Variants in ENOX1 observed in about 807,000 individuals in gnomAD.
ENOX1 encodes candidate growth-related and time keeping constitutive hydroquinone (NADH) oxidase.
ENOX1 carries 42 observed loss-of-function variants against 82.5 expected under a neutral mutation model. The observed-to-expected ratio is 0.51, with a 90% CI of 0.40 to 0.66. The LOEUF (loss-of-function observed/expected upper bound fraction) is 0.66. Among genes scored for constraint, ENOX1 ranks in the 30% least tolerant of loss-of-function variants. The probability of loss-of-function intolerance (pLI) is 0.00; values close to 1 mark genes in which losing one functional copy is unlikely to be tolerated. For synonymous variants in ENOX1, 271 were observed against 282.2 expected, an observed-to-expected ratio of 0.96 and a Z score of 0.40; for missense variants, 608 against 811.6, an observed-to-expected ratio of 0.75 and a Z score of 3.05.
chr13:43,636,366 T>A (rs1194602579), intron 2 of ENOX1, among the ~76,000 whole-genome samples: 2 of 152,202 alleles, frequency 1.3e-5, no homozygotes. Context: ...CATGGGAAGA[T>A]AACTCTGGAA....
chr13:43,487,528 G>A (rs1435279022), intron 2 of ENOX1, among the ~76,000 whole-genome samples: 12 of 152,252 alleles, frequency 7.9e-5, no homozygotes, highest in South Asian at 2.1e-4. Context: ...GAAAATCAAC[G>A]TACTGCTACC....
At chr13:43,710,992 T>C (rs1004029149) in intron 1 of ENOX1, among the ~76,000 whole-genome samples, 1 of 152,074 alleles carries the variant, frequency 6.6e-6, no homozygotes, top group African/African-American at 2.4e-5. Flanking sequence ...TGTATACATG[T>C]GCCATGTTGG....
chr13:43,616,128 ATCTATCTATCTAGATATC>A (rs2082422115), intron 2 of ENOX1, among the ~76,000 whole-genome samples: 1 of 55,502 alleles, frequency 1.8e-5, no homozygotes, highest in Non-Finnish European at 3.8e-5. Flanking sequence ...ATCTATAGAT[ATCTATCTATCTAGATATC>A]TATATAGATA....
At chr13:43,732,897 T>C (rs930226658) in intron 1 of ENOX1, among the ~76,000 whole-genome samples, 1 of 152,224 alleles carries the variant, frequency 6.6e-6, no homozygotes. Flanking sequence ...AATATGGCAA[T>C]GTCAGTGCCC....
chr13:43,310,421 C>G (rs557005582), intron 11 of ENOX1, among the ~76,000 whole-genome samples: 2 of 151,970 alleles, frequency 1.3e-5, no homozygotes, highest in Non-Finnish European at 2.9e-5. Flanking sequence ...AAAATGACTT[C>G]CTTCCAATTA....
At chr13:43,489,385 C>T (rs1215632597) in intron 2 of ENOX1, among the ~76,000 whole-genome samples, 2 of 152,150 alleles carry the variant, frequency 1.3e-5, no homozygotes, top group Non-Finnish European at 2.9e-5. Flanking sequence ...TCCATATGGT[C>T]GTAATTCTGA....
rs201589074 is a variant in ENOX1 at position 43,410,589 on chromosome 13, T to C, written c.208+1327A>G. ...ATTAAAAAAGAAACCATATATATTA[T>C]ATATATGTGTATACACATATACACA... On this transcript the variant is annotated intron_variant, in intron 5 of 16. Coordinates refer to ENST00000690772, the MANE Select transcript of ENOX1 (RefSeq NM_001347969.2). 2.7e-5 allele frequency among the ~76,000 whole-genome samples: 4 copies of C among 148,978 alleles called. No individual in the cohort carries two copies. In the East Asian group the frequency reaches 7.8e-4, roughly 29 times the overall value.
intron 2 of ENOX1, among the ~76,000 whole-genome samples, chr13:43,532,107 G>A (rs551967623): frequency 3.4e-4 from 52 of 151,834 alleles, no homozygotes; most frequent in Admixed American, 2.2e-3. Flanking sequence ...AGTTAAAAAA[G>A]TTTTAATTTT....
At chr13:43,280,100 G>A (rs947586165) in intron 12 of ENOX1, among the ~76,000 whole-genome samples, 1 of 152,180 alleles carries the variant, frequency 6.6e-6, no homozygotes, top group Non-Finnish European at 1.5e-5. Flanking sequence ...CTCTGGGCAC[G>A]TGTACAGTTG....
rs373671611 is a variant in ENOX1, at chr13:43,470,275, T to C, written c.-75+13734A>G. Among the ~76,000 whole-genome samples the C allele has an allele frequency of 5.9e-5, 3 of 50,422 alleles. No individual in the cohort carries two copies. The East Asian group carries it at 7.4e-4, about 12-fold the overall frequency. 33.1% of individuals were successfully genotyped at this position (50,422 alleles called of 152,430 possible). ...ATATATATATACATATATATACACA[T>C]ATATATACATATATATATACACATA... is the stretch of plus-strand genomic sequence containing the variant. On this transcript the variant is annotated intron_variant, in intron 3 of 16. Transcript: ENST00000690772.
At chr13:43,261,673 G>T (rs9533437) in intron 14 of ENOX1, among the ~76,000 whole-genome samples, 23,031 of 150,684 alleles carry the variant, frequency 0.15, 2,058 homozygotes, top group Non-Finnish European at 0.21. Context: ...AAAATGATGA[G>T]TTCATGTCCT....
intron 2 of ENOX1, among the ~76,000 whole-genome samples, chr13:43,647,505 T>A (rs1566701569): frequency 6.6e-6 from 1 of 152,144 alleles, no homozygotes; most frequent in African/African-American, 2.4e-5. Flanking sequence ...CACTCTGCCA[T>A]CAGGAACCAA....
chr13:43,705,940 A>T (rs951329871), intron 1 of ENOX1, among the ~76,000 whole-genome samples: 2 of 152,098 alleles, frequency 1.3e-5, no homozygotes, highest in African/African-American at 4.8e-5. Context: ...ATCTTAATAA[A>T]TTTTTAAAAA....
chr13:43,734,327 G>A (rs1299327672), intron 1 of ENOX1, among the ~76,000 whole-genome samples: 1 of 152,090 alleles, frequency 6.6e-6, no homozygotes, highest in Non-Finnish European at 1.5e-5. Context: ...CCTGCAAGCA[G>A]GGCTGCAGGT....
intron 3 of ENOX1, among the ~76,000 whole-genome samples, chr13:43,478,941 T>TTTTGGGGGAGAAA (rs1454110182): frequency 1.6e-5 from 1 of 62,662 alleles, no homozygotes; most frequent in Non-Finnish European, 4.3e-5. Flanking sequence ...GTCAGAGCCA[T>TTTTGGGGGAGAAA]TTCGGGGGAG....
rs2078705407 is a variant in ENOX1, at chr13:43,541,185, T to TTTTTTTTTTTTTTG, written c.-218-57047_-218-57034dup. On this transcript the variant is annotated intron_variant, in intron 2 of 16. Transcript: ENST00000690772. ...ACTTCTTCCCTCTGTTTTTTTTTTTTTTTTTTTTTTTTTGCTAAAAATGAT... is the reference window on the plus strand; with the variant it reads ...ACTTCTTCCCTCTGTTTTTTTTTTTTTTTTTTTTTTTTTGTTTTTTTTTTTTTGCTAAAAATGAT... Among the ~76,000 whole-genome samples, 4 of 138,824 alleles carry TTTTTTTTTTTTTTG rather than the reference T, an allele frequency of 2.9e-5. 2 individuals carry two copies. Among genetic ancestry groups the TTTTTTTTTTTTTTG allele is most frequent in the Admixed American group, 1.4e-4 (2 of 13,974 alleles). 91.1% of individuals were successfully genotyped at this position (138,824 alleles called of 152,430 possible). A position where few individuals can be genotyped will look rare whatever the true frequency, so the allele number is the denominator to read the frequency against.
At chr13:43,447,072 T>C (rs2056689083) in intron 3 of ENOX1, among the ~76,000 whole-genome samples, 2 of 152,256 alleles carry the variant, frequency 1.3e-5, no homozygotes, top group Non-Finnish European at 2.9e-5. Flanking sequence ...AGAATATTTC[T>C]TGAACACCTA....
chr13:43,464,733 G>A (rs1245896231), intron 3 of ENOX1, among the ~76,000 whole-genome samples: 2 of 152,128 alleles, frequency 1.3e-5, no homozygotes, highest in Non-Finnish European at 2.9e-5. Flanking sequence ...GCCAACATTG[G>A]TGCATCACTA....
chr13:43,651,261 G>A (rs2084156091), intron 2 of ENOX1, among the ~76,000 whole-genome samples: 1 of 152,124 alleles, frequency 6.6e-6, no homozygotes, highest in South Asian at 2.1e-4. Context: ...AAAGGAAGAG[G>A]GGGAGGGAAG....
Sources: allele counts gnomAD v4.1 joint callset (sites outside exome capture counted in the v4.1 genomes callset), GRCh38; gene constraint gnomAD v4.1.1; transcripts MANE v1.5; gene names NCBI Gene and HGNC (gene_info 2026-07-23, HGNC 2026-07-21).